The following RAPGEF5 variants were observed in gnomAD, a reference collection of about 807,000 sequenced individuals.
RAPGEF5 encodes M-Ras-regulated GEF.
In RAPGEF5, 65 loss-of-function variants were observed where a neutral mutation model predicts 125.2. The observed-to-expected ratio is 0.52, with a 90% confidence interval of 0.43 to 0.64. The LOEUF (loss-of-function observed/expected upper bound fraction) is 0.64, where lower values mean the gene tolerates loss of function less well. Among genes scored for constraint, RAPGEF5 ranks in the 30% least tolerant of loss-of-function variants. The pLI is 0.00. For missense variants in RAPGEF5, 958 were observed against 1,048.1 expected, an observed-to-expected ratio of 0.91 and a Z score of 1.19; for synonymous variants, 391 against 385.9, an observed-to-expected ratio of 1.01 and a Z score of -0.16.
intron 9 of RAPGEF5, chr7:22,194,847 G>C (rs1785108833): frequency 1.2e-6 from 1 of 835,448 alleles, no homozygotes; most frequent in Non-Finnish European, 1.4e-6. Context: ...AGGACAGCTT[G>C]CTGCTGACCC....
intron 7 of RAPGEF5, among the ~76,000 whole-genome samples, chr7:22,238,219 G>C (rs1327879097): frequency 6.6e-6 from 1 of 152,132 alleles, no homozygotes; most frequent in African/African-American, 2.4e-5. Flanking sequence ...TTACTTATTA[G>C]GGCTAGTGAA....
At chr7:22,157,981 G>A in intron 14 of RAPGEF5, 96 bp from the exon 15 acceptor site, 1 of 1,159,728 alleles carries the variant, frequency 8.6e-7, no homozygotes, top group Non-Finnish European at 1.3e-6. Context: ...CTAGGCAGAG[G>A]ATTTTGCTCT....
intron 1 of RAPGEF5, among the ~76,000 whole-genome samples, chr7:22,331,412 G>A (rs150174106): frequency 1.5e-3 from 233 of 152,210 alleles, no homozygotes; most frequent in Middle Eastern, 0.01. Context: ...CTGATATTAC[G>A]TGTGTCCTTG....
At position 22,122,339 on chromosome 7, in the gene RAPGEF5, C is replaced by T. The variant is rs1782604450; in HGVS notation, c.*67G>A. On this transcript the variant is annotated 3_prime_UTR_variant, in exon 26 of 26. Coordinates refer to ENST00000665637, the MANE Select transcript of RAPGEF5 (RefSeq NM_012294.5). Reference sequence around the variant, plus strand: ...AACTTCTTTTCTCACAGGAAAGCAACGTGCTTGGCATAGACATTCCCGTAG... The same window carrying T: ...AACTTCTTTTCTCACAGGAAAGCAATGTGCTTGGCATAGACATTCCCGTAG... 6.1e-6 allele frequency: 8 copies of T among 1,308,154 alleles called. No individual in the cohort carries two copies. The highest frequency in any genetic ancestry group is 4.9e-4 in the Middle Eastern group (2 of 4,090). The allele number at this position is 1,308,154 out of a possible 1,614,324, so 81.0% of individuals were successfully genotyped here. A position where few individuals can be genotyped will look rare whatever the true frequency, so the allele number is the denominator to read the frequency against.
At chr7:22,129,407 GATGCTCCACAA>G (rs1782846512) in intron 24 of RAPGEF5, among the ~76,000 whole-genome samples, 1 of 152,140 alleles carries the variant, frequency 6.6e-6, no homozygotes, top group Non-Finnish European at 1.5e-5. Context: ...CATCTTCACA[GATGCTCCACAA>G]ATCTCATGTG....
At chr7:22,141,633 C>G (rs1783264510) in intron 20 of RAPGEF5, among the ~76,000 whole-genome samples, 1 of 152,178 alleles carries the variant, frequency 6.6e-6, no homozygotes, top group Non-Finnish European at 1.5e-5. Flanking sequence ...CTAGAAAGGC[C>G]GTGTTGCCTC....
At chr7:22,166,601 C>T (rs952297064) in intron 12 of RAPGEF5, among the ~76,000 whole-genome samples, 2 of 152,238 alleles carry the variant, frequency 1.3e-5, no homozygotes, top group South Asian at 4.1e-4. Context: ...GGGTTAGGTT[C>T]GACCTCCCAT....
chr7:22,294,799 C>T (rs1265462024), intron 5 of RAPGEF5, among the ~76,000 whole-genome samples: 1 of 152,216 alleles, frequency 6.6e-6, no homozygotes, highest in Non-Finnish European at 1.5e-5. Flanking sequence ...ACTCAGAAGC[C>T]AGCATAGTCT....
intron 1 of RAPGEF5, among the ~76,000 whole-genome samples, chr7:22,351,604 C>T (rs1784331359): frequency 8.6e-6 from 1 of 115,894 alleles, no homozygotes; most frequent in Non-Finnish European, 1.9e-5. Flanking sequence ...GCATCTAACT[C>T]ATAGGCTCAT....
At chr7:22,280,457 T>A (rs1276072431) in intron 6 of RAPGEF5, among the ~76,000 whole-genome samples, 1 of 152,098 alleles carries the variant, frequency 6.6e-6, no homozygotes, top group Non-Finnish European at 1.5e-5. Flanking sequence ...TTGAAGTGGA[T>A]GGAAGATTGA....
intron 14 of RAPGEF5, 26 bp from the exon 15 acceptor site, chr7:22,157,911 A>G (rs1483368705): frequency 6.2e-7 from 1 of 1,601,504 alleles, no homozygotes; most frequent in Non-Finnish European, 8.6e-7. Flanking sequence ...GCAAGAAGTC[A>G]GTCTTTGTCT....
intron 4 of RAPGEF5, among the ~76,000 whole-genome samples, chr7:22,309,070 CAAAT>C (rs1409595046): frequency 2.6e-5 from 4 of 152,110 alleles, no homozygotes; most frequent in African/African-American, 7.2e-5. Flanking sequence ...CTATCTAACC[CAAAT>C]GTCAATACTA....
At position 22,136,063 on chromosome 7, in the gene RAPGEF5, G is replaced by C. The variant is rs1238643907; in HGVS notation, c.2391C>G (p.Ile797Met). ...CTTTAAGCAATAAGGGCATGAAAGGGATTTTTGGTGGCTTCATCTTTTTGA... is the reference window on the plus strand; with the variant it reads ...CTTTAAGCAATAAGGGCATGAAAGGCATTTTTGGTGGCTTCATCTTTTTGA... ...DAFKKMKPPKIPFMPLLLKDV... is the reference protein window; with the variant it reads ...DAFKKMKPPKMPFMPLLLKDV... Residue 797 changes from isoleucine to methionine, a missense_variant, in exon 23 of 26, where the codon ATC becomes ATG. By Grantham distance (10) the Ile-to-Met change is conservative (BLOSUM62 1). Coordinates refer to ENST00000665637, the MANE Select transcript of RAPGEF5 (RefSeq NM_012294.5). 2 of 1,611,242 alleles carry C rather than the reference G, an allele frequency of 1.2e-6. No individual in the cohort carries two copies. The highest frequency in any genetic ancestry group is 1.7e-6 in the Non-Finnish European group (2 of 1,177,996).
At chr7:22,214,190 G>A (rs184129681) in intron 9 of RAPGEF5, among the ~76,000 whole-genome samples, 6 of 152,302 alleles carry the variant, frequency 3.9e-5, no homozygotes, top group Non-Finnish European at 7.3e-5. Flanking sequence ...CCTGGCAGCA[G>A]ACTGTGCCAA....
chr7:22,309,656 C>T (rs1277144172), intron 4 of RAPGEF5, among the ~76,000 whole-genome samples: 2 of 152,096 alleles, frequency 1.3e-5, no homozygotes, highest in Non-Finnish European at 2.9e-5. Context: ...CTTAGAGCAA[C>T]TAAAGATGTC....
intron 9 of RAPGEF5, among the ~76,000 whole-genome samples, chr7:22,215,510 A>G (rs1230832927): frequency 1.3e-5 from 2 of 152,226 alleles, no homozygotes; most frequent in East Asian, 3.8e-4. Context: ...CTCCACAACT[A>G]GACTATACTT....
At chr7:22,261,499 C>T (rs548186699) in intron 7 of RAPGEF5, among the ~76,000 whole-genome samples, 37 of 152,186 alleles carry the variant, frequency 2.4e-4, no homozygotes, top group African/African-American at 7.0e-4. Context: ...GTAGCCCCAG[C>T]TACTCAGGAA....
At chr7:22,211,123 T>A (rs1785498536) in intron 9 of RAPGEF5, among the ~76,000 whole-genome samples, 2 of 152,234 alleles carry the variant, frequency 1.3e-5, no homozygotes, top group South Asian at 4.1e-4. Flanking sequence ...TTTGCTATCT[T>A]AAAACAACAT....
At chr7:22,209,654 C>G (rs985057335) in intron 9 of RAPGEF5, among the ~76,000 whole-genome samples, 1 of 152,102 alleles carries the variant, frequency 6.6e-6, no homozygotes, top group South Asian at 2.1e-4. Context: ...TTGTTTGTGC[C>G]CACTTTCATG....
Sources: gnomAD v4.1 joint callset for allele counts (sites outside exome capture counted in the v4.1 genomes callset) on GRCh38, gnomAD v4.1.1 for gene constraint, MANE v1.5 for transcripts, NCBI Gene and HGNC (gene_info 2026-07-23, HGNC 2026-07-21) for gene names.